AP2B1: variants seen among roughly 807,000 people sequenced by gnomAD.
The protein encoded by AP2B1 is adaptor related protein complex 2 subunit beta 1, also known as AP-2 complex subunit beta.
Under a neutral mutation model 102.0 loss-of-function variants are expected in AP2B1, and 23 were observed. The ratio of observed to expected loss-of-function variants is 0.23; its 90% confidence interval spans 0.16 to 0.32. AP2B1 has a LOEUF of 0.32. Ranked by LOEUF, AP2B1 falls within the 10% of genes least tolerant of loss-of-function variation. The pLI, the probability that AP2B1 is intolerant of heterozygous loss-of-function variation, is 1.00. For missense variants in AP2B1, 541 were observed against 1,157.4 expected (o/e 0.47, Z 7.73); for synonymous variants, 381 against 421.2 (o/e 0.90, Z 1.17).
At chr17:35,619,917 T>C (rs2074126937) in intron 5 of AP2B1, among the ~76,000 whole-genome samples, 1 of 152,092 alleles carries the variant, frequency 6.6e-6, no homozygotes, top group South Asian at 2.1e-4. Flanking sequence ...CCCGAGTAGC[T>C]GGGATTACAG....
chr17:35,634,593 A>G (rs1004088118), intron 9 of AP2B1, among the ~76,000 whole-genome samples: 3 of 152,222 alleles, frequency 2.0e-5, no homozygotes, highest in Admixed American at 6.5e-5. Context: ...AGATTAACAG[A>G]TAAAACTCCA....
intron 21 of AP2B1, among the ~76,000 whole-genome samples, chr17:35,720,573 A>ATATATTTTT (rs1324333805): frequency 1.9e-3 from 52 of 28,052 alleles, no homozygotes; most frequent in Non-Finnish European, 2.6e-3. Flanking sequence ...ATATATATAT[A>ATATATTTTT]TTTTTTTTTT....
At position 35,671,762 on chromosome 17, in the gene AP2B1, A is replaced by C. The variant is rs757846710; in HGVS notation, c.2040A>C (p.Gln680His). The C allele has an allele frequency of 6.2e-7, 1 of 1,613,500 alleles. No individual in the cohort carries two copies. Among genetic ancestry groups the C allele is most frequent in the South Asian group, 1.1e-5 (1 of 91,050 alleles). Residue 680 changes from glutamine (Q) to histidine (H), a missense_variant, in exon 16 of 22, where the codon CAA becomes CAC. Gln to His is a conservative substitution (Grantham distance 24). Around this residue, in one of 10 missense-constraint regions of AP2B1, gnomAD observed 27 missense variants for 84.1 expected, o/e 0.32. Coordinates refer to ENST00000610402, the MANE Select transcript of AP2B1 (RefSeq NM_001030006.2). Reference sequence around the variant, plus strand: ...TTTTTTTTCTCCTGCAGGTGGGACAATCCTTCATCCCATCATCGGTGCCTG... The same window carrying C: ...TTTTTTTTCTCCTGCAGGTGGGACACTCCTTCATCCCATCATCGGTGCCTG... ...GGIGGSPAVG[Q>H]SFIPSSVPAT...
chr17:35,670,298 C>T (rs970982351), intron 14 of AP2B1, among the ~76,000 whole-genome samples: 1 of 152,166 alleles, frequency 6.6e-6, no homozygotes, highest in African/African-American at 2.4e-5. Flanking sequence ...CTAAAAATCA[C>T]TTTTGTTCCA....
chr17:35,641,784 A>G, intron 11 of AP2B1, 93 bp from the exon 12 acceptor site: 1 of 839,142 alleles, frequency 1.2e-6, no homozygotes, highest in Non-Finnish European at 1.8e-6. Context: ...GCTCCATAGT[A>G]ATTCATAGTT....
chr17:35,595,307 G>T (rs1291894811), intron 2 of AP2B1, among the ~76,000 whole-genome samples: 2 of 152,206 alleles, frequency 1.3e-5, no homozygotes, highest in Non-Finnish European at 2.9e-5. Context: ...ACATTGGGAG[G>T]CTGAGACAGG....
At chr17:35,619,797 T>C (rs1008785964) in intron 5 of AP2B1, among the ~76,000 whole-genome samples, 3 of 152,124 alleles carry the variant, frequency 2.0e-5, no homozygotes, top group Non-Finnish European at 4.4e-5. Flanking sequence ...TACTTTTATC[T>C]TTTTGGAGAC....
intron 20 of AP2B1, among the ~76,000 whole-genome samples, chr17:35,711,782 T>G (rs1452724935): frequency 2.0e-5 from 3 of 152,208 alleles, no homozygotes; most frequent in African/African-American, 4.8e-5. Flanking sequence ...AGCTTTTTAA[T>G]TTTAGTTTTT....
intron 18 of AP2B1, among the ~76,000 whole-genome samples, chr17:35,691,666 G>A (rs1209202248): frequency 2.0e-5 from 3 of 152,150 alleles, no homozygotes; most frequent in African/African-American, 4.8e-5. Context: ...CGATTCCCAC[G>A]TCAGACAGTT....
At chr17:35,634,876 C>T (rs1322078921) in intron 9 of AP2B1, among the ~76,000 whole-genome samples, 2 of 152,124 alleles carry the variant, frequency 1.3e-5, no homozygotes, top group African/African-American at 4.8e-5. Flanking sequence ...AGTTAAAGAC[C>T]TCCTACTTTG....
chr17:35,723,093 C>T (rs2085450467), intron 21 of AP2B1, among the ~76,000 whole-genome samples: 1 of 152,138 alleles, frequency 6.6e-6, no homozygotes, highest in Non-Finnish European at 1.5e-5. Flanking sequence ...CTTGTCTTCC[C>T]TCTTAGGGGT....
chr17:35,614,933 C>T (rs1482719152), intron 5 of AP2B1, among the ~76,000 whole-genome samples: 1 of 152,142 alleles, frequency 6.6e-6, no homozygotes, highest in East Asian at 1.9e-4. Flanking sequence ...AGGAGTGATT[C>T]TACTCTCCAG....
intron 12 of AP2B1, among the ~76,000 whole-genome samples, chr17:35,645,721 C>T (rs1240903205): frequency 2.2e-4 from 33 of 152,050 alleles, no homozygotes; most frequent in Non-Finnish European, 2.8e-4. Flanking sequence ...TGGTGGCATG[C>T]GCCTGTAATC....
At chr17:35,660,743 C>G (rs2075341646) in intron 14 of AP2B1, among the ~76,000 whole-genome samples, 1 of 152,182 alleles carries the variant, frequency 6.6e-6, no homozygotes, top group Non-Finnish European at 1.5e-5. Flanking sequence ...CTCAGCCTCC[C>G]AGATTGCTGG....
rs145269624 is a variant in AP2B1 at position 35,630,861 on chromosome 17, G to C, written c.1155+3135G>C. ...TGTCTTATCTAGTGCTGTCATTTCAGATTACCCAGATTTACCTTAGAACTT... is the reference window on the plus strand; with the variant it reads ...TGTCTTATCTAGTGCTGTCATTTCACATTACCCAGATTTACCTTAGAACTT... On this transcript the variant is annotated intron_variant, in intron 9 of 21. Coordinates refer to ENST00000610402, the MANE Select transcript of AP2B1 (RefSeq NM_001030006.2). Among the ~76,000 whole-genome samples, 625 of 152,230 alleles carry C rather than the reference G, an allele frequency of 4.1e-3. 16 individuals are homozygous for C. The highest frequency in any genetic ancestry group is 0.029 in the Admixed American group (450 of 15,274).
At chr17:35,592,125 TTTTTC>T (rs146451533) in intron 1 of AP2B1, among the ~76,000 whole-genome samples, 8,511 of 152,142 alleles carry the variant, frequency 0.056, 384 homozygotes, top group East Asian at 0.14. Flanking sequence ...ATCTGGCTCT[TTTTTC>T]TTTTCTTTAA....
chr17:35,700,450 AT>A (rs993904563), intron 18 of AP2B1, among the ~76,000 whole-genome samples: 88 of 152,244 alleles, frequency 5.8e-4, no homozygotes, highest in African/African-American at 2.0e-3. Flanking sequence ...AAAGAAAAAA[AT>A]AATTCTTCAG....
In AP2B1 at chr17:35,701,738, C is replaced by T. The variant is rs1018139741; in HGVS notation, c.2455-7486C>T. ...TCCTCTTATCCTCGTGCTTCAGCCT[C>T]CTGAGTAACTGGGACCAAAGGCTCA... On this transcript the variant is annotated intron_variant, in intron 18 of 21. Transcript: ENST00000610402. Among the ~76,000 whole-genome samples, 6 of 152,288 alleles carry T rather than the reference C, an allele frequency of 3.9e-5. No homozygotes were observed. In the South Asian group the frequency reaches 6.2e-4, roughly 16 times the overall value.
chr17:35,648,792 T>C (rs996974465), intron 12 of AP2B1, among the ~76,000 whole-genome samples: 1 of 151,230 alleles, frequency 6.6e-6, no homozygotes, highest in Non-Finnish European at 1.5e-5. Flanking sequence ...TGGACAGATA[T>C]ATACCACATT....
Sources: allele counts gnomAD v4.1 joint callset (sites outside exome capture counted in the v4.1 genomes callset), GRCh38; gene constraint gnomAD v4.1.1; regional missense constraint gnomAD v4.1.1; transcripts MANE v1.5; gene names NCBI Gene and HGNC (gene_info 2026-07-23, HGNC 2026-07-21).